The following PTCH1 variants were observed in gnomAD, a reference collection of about 807,000 sequenced individuals.
The protein encoded by PTCH1 is patched 1.
A neutral mutation model predicts 144.6 loss-of-function variants in PTCH1; 14 were observed. The observed-to-expected ratio is 0.10, with a 90% CI of 0.06 to 0.15. The LOEUF is 0.15. PTCH1 is among the 10% of genes least tolerant of loss of function. The probability of loss-of-function intolerance (pLI) is 1.00; values close to 1 mark genes in which losing one functional copy is unlikely to be tolerated. For missense variants in PTCH1, 1,623 were observed against 1,948.3 expected, an observed-to-expected ratio of 0.83 and a Z score of 3.14; for synonymous variants, 833 against 793.6, an observed-to-expected ratio of 1.05 and a Z score of -0.83.
At chr9:95,448,181 T>C (rs1838131441) in intron 22 of PTCH1, among the ~76,000 whole-genome samples, 1 of 152,210 alleles carries the variant, frequency 6.6e-6, no homozygotes, top group Non-Finnish European at 1.5e-5. Context: ...TACCTATTTT[T>C]AGGCTCCTGC....
At position 95,509,146 on chromosome 9, in the gene PTCH1, CTG is replaced by C. The variant is rs1844001198; in HGVS notation, c.-787_-786del. ...GCTCCCGGGACCTGGGGACTCCGCT[CTG>C]TGTGTGTGCAGCGGGCAGCGGCCGC... On this transcript the variant is annotated 5_prime_UTR_variant, in exon 1 of 24. The change creates a premature stop within an existing upstream ORF in the 5' untranslated region. Transcript: ENST00000331920. 6.6e-6 allele frequency among the ~76,000 whole-genome samples: 1 copy of C among 151,834 alleles called. No individual in the cohort carries two copies. The highest frequency in any genetic ancestry group is 1.5e-5 in the Non-Finnish European group (1 of 67,964).
rs2118032855 is a variant in PTCH1 at position 95,468,848 on chromosome 9, G to C, written c.2153C>G (p.Ser718Cys). The C allele has an allele frequency of 1.2e-6, 2 of 1,614,190 alleles. No individual in the cohort carries two copies. The highest frequency in any genetic ancestry group is 1.7e-6 in the Non-Finnish European group (2 of 1,180,020). The change falls in exon 14 of 24, where the codon TCC (serine) becomes TGC (cysteine). Residue 718 changes from serine to cysteine, a missense_variant. By Grantham distance (112) the Ser-to-Cys change is moderately radical. Around this residue, in one of 7 missense-constraint regions of PTCH1, gnomAD observed 179 missense variants for 165.7 expected, o/e 1.08. Transcript: ENST00000331920. ...GGGGGGCTCGAGGCAGTGGAGGCTG[G>C]AGTCGGAGAACTGGGAGAGCAGGTC... ...TRDLLSQFSD[S>C]SLHCLEPPCT...
chr9:95,467,439 G>A lies in PTCH1; in HGVS notation c.2251-14C>T. The A allele has an allele frequency of 6.2e-7, 1 of 1,613,302 alleles. No homozygotes were observed. Among genetic ancestry groups the A allele is most frequent in the Non-Finnish European group, 8.5e-7 (1 of 1,179,800 alleles). ...GATCACCACTACCTGGAACAGAAGA[G>A]GCACAAGGTCAGACCCCAGGGAGCA... is the stretch of plus-strand genomic sequence containing the variant. On this transcript the variant is annotated splice_polypyrimidine_tract_variant and intron_variant, in intron 14 of 23. Transcript: ENST00000331920.
At chr9:95,477,466 C>T in intron 10 of PTCH1, 81 bp downstream of exon 10, 5 of 1,581,334 alleles carry the variant, frequency 3.2e-6, no homozygotes, top group Middle Eastern at 3.6e-4. Context: ...GGACACACAG[C>T]ACACAGGAGG....
chr9:95,467,008 C>A, intron 15 of PTCH1, 108 bp downstream of exon 15: 1 of 1,227,336 alleles, frequency 8.1e-7, no homozygotes, highest in Non-Finnish European at 1.2e-6. Flanking sequence ...CCATGAAACA[C>A]GTCAGTGTTA....
intron 2 of PTCH1, among the ~76,000 whole-genome samples, chr9:95,505,885 G>A (rs1387192984): frequency 1.4e-5 from 2 of 147,260 alleles, no homozygotes; most frequent in African/African-American, 2.5e-5. Flanking sequence ...CGCTGCGCCC[G>A]CCCCCGGCCC....
At chr9:95,481,857 A>G in intron 5 of PTCH1, 92 bp downstream of exon 5, 2 of 1,219,892 alleles carry the variant, frequency 1.6e-6, no homozygotes, top group Admixed American at 1.8e-5. Flanking sequence ...TTCTTGTTCA[A>G]AACTGAAATG....
Position 95,508,526 on chromosome 9 carries a change from T to TGCTGCTGCTCACACGGCGGGC in PTCH1, c.-186_-166dup, listed in dbSNP as rs1291657479. 3.9e-6 allele frequency: 4 copies of TGCTGCTGCTCACACGGCGGGC among 1,013,642 alleles called. No homozygotes were observed. Among genetic ancestry groups the TGCTGCTGCTCACACGGCGGGC allele is most frequent in the East Asian group, 8.7e-5 (1 of 11,448 alleles). The allele number at this position is 1,013,642 out of a possible 1,614,324, so 62.8% of individuals were successfully genotyped here. On this transcript the variant is annotated 5_prime_UTR_variant, in exon 1 of 24. Coordinates refer to ENST00000331920, the MANE Select transcript of PTCH1 (RefSeq NM_000264.5). ...GGGCTCCGGTTGACAGACCAGCCGCTGCTGCTGCTCACACGGCGGGCGCTG... is the reference window on the plus strand; with the variant it reads ...GGGCTCCGGTTGACAGACCAGCCGCTGCTGCTGCTCACACGGCGGGCGCTGCTGCTCACACGGCGGGCGCTG...
At chr9:95,479,912 CT>C (rs2118383623) in intron 7 of PTCH1, 56 bp downstream of exon 7, 1 of 1,613,716 alleles carries the variant, frequency 6.2e-7, no homozygotes, top group Non-Finnish European at 8.5e-7. Flanking sequence ...AGGGAAGTGG[CT>C]TTTGAGGAAA....
chr9:95,459,907 G>GA, intron 16 of PTCH1, 124 bp from the exon 17 acceptor site: 2 of 1,051,232 alleles, frequency 1.9e-6, no homozygotes, highest in Admixed American at 3.9e-5. Context: ...GCCTACTGTT[G>GA]AAAGTGTCGA....
intron 1 of PTCH1, chr9:95,507,331 T>A (rs1843760633): frequency 1.1e-5 from 11 of 985,504 alleles, no homozygotes; most frequent in Non-Finnish European, 1.1e-5. Context: ...AGGGAAGGGC[T>A]CAGGCCGGCG....
rs1405571274 is a variant in PTCH1 at position 95,449,688 on chromosome 9, G to A, written c.3549+153C>T. 2 of 834,928 alleles carry A rather than the reference G, an allele frequency of 2.4e-6. No homozygotes were observed. The highest frequency in any genetic ancestry group is 3.4e-5 in the African/African-American group (2 of 59,030). The allele number at this position is 834,928 out of a possible 1,614,324, so 51.7% of individuals were successfully genotyped here. A position where few individuals can be genotyped will look rare whatever the true frequency, so the allele number is the denominator to read the frequency against. On this transcript the variant is annotated intron_variant, in intron 21 of 23. Transcript: ENST00000331920. This position sits in a 1 kb window ranked among gnomAD's most constrained non-coding sequence, Gnocchi z 5.3. ...ACCCGCCCTCTAGCCCTCAAAGCCA[G>A]TACACCGAAGAGGAAAACAGACATG...
chr9:95,493,810 A>G (rs902512130), intron 2 of PTCH1, among the ~76,000 whole-genome samples: 1 of 152,080 alleles, frequency 6.6e-6, no homozygotes, highest in Non-Finnish European at 1.5e-5. Flanking sequence ...ACAAAAAAAA[A>G]AGAAAATTCA....
chr9:95,501,125 C>T (rs1843121207), intron 2 of PTCH1, among the ~76,000 whole-genome samples: 1 of 152,220 alleles, frequency 6.6e-6, no homozygotes, highest in African/African-American at 2.4e-5. Context: ...TCCATCTGCA[C>T]AGCATGAGTC....
chr9:95,453,589 C>T lies in PTCH1; in HGVS notation c.3338G>A (p.Arg1113His), dbSNP rs143781513. ...GTGCTCCAGGGCAAGCACAGCCCTG[C>T]GGTTCTTGTCGCCGATGGCCGTCAG... The part of the protein sequence containing the change: ...AFLTAIGDKN[R>H]RAVLALEHMF... The change falls in exon 20 of 24, where the codon CGC becomes CAC. Residue 1113 changes from arginine to histidine, a missense_variant. Physicochemically the swap from Arg to His is conservative, Grantham distance 29. Coordinates refer to ENST00000331920, the MANE Select transcript of PTCH1 (RefSeq NM_000264.5). The T allele has an allele frequency of 1.7e-5, 27 of 1,613,924 alleles. No homozygotes were observed. The highest frequency in any genetic ancestry group is 5.0e-5 in the Admixed American group (3 of 60,024).
chr9:95,478,512 C>T (rs903417378), intron 8 of PTCH1, among the ~76,000 whole-genome samples: 11 of 152,208 alleles, frequency 7.2e-5, no homozygotes, highest in Admixed American at 6.5e-5. Flanking sequence ...GACTTGCGGT[C>T]CCATCGGCTC....
At chr9:95,446,764 G>A (rs909337136) in intron 23 of PTCH1, 147 bp downstream of exon 23, 6 of 1,029,472 alleles carry the variant, frequency 5.8e-6, no homozygotes, top group Non-Finnish European at 8.8e-6. Context: ...CATCAGCCTT[G>A]CTCTGGGGAT....
rs377135963 is a variant in PTCH1, at chr9:95,499,092, T to G, written c.394+7315A>C. ...GGGAACCCAGTTCTTCCACTGTCCA[T>G]GCGCCACGGTAAGCACAGGGGACCA... On this transcript the variant is annotated intron_variant, in intron 2 of 23. Transcript: ENST00000331920. Among the ~76,000 whole-genome samples the G allele has an allele frequency of 2.6e-5, 4 of 152,238 alleles. No individual in the cohort carries two copies. The East Asian group carries it at 7.7e-4, about 29-fold the overall frequency.
chr9:95,504,924 T>C (rs1291530217), intron 2 of PTCH1, among the ~76,000 whole-genome samples: 1 of 152,226 alleles, frequency 6.6e-6, no homozygotes, highest in Non-Finnish European at 1.5e-5. Flanking sequence ...CTCAAGAAAC[T>C]TGTTGCTAGG....
Sources: allele counts gnomAD v4.1 joint callset (sites outside exome capture counted in the v4.1 genomes callset), GRCh38; gene constraint gnomAD v4.1.1; regional missense constraint gnomAD v4.1.1; non-coding constraint Gnocchi (gnomAD v3.1); transcripts MANE v1.5; gene names NCBI Gene and HGNC (gene_info 2026-07-23, HGNC 2026-07-21).